The following COPG2 variants were observed in gnomAD, a reference collection of about 807,000 sequenced individuals.
COPG2 encodes coat protein complex I subunit gamma 2.
A neutral mutation model predicts 46.3 loss-of-function variants in COPG2; 37 were observed. The observed-to-expected ratio is 0.80, with a 90% confidence interval of 0.61 to 1.05. The LOEUF is 1.05. COPG2 is among the 50% of genes least tolerant of loss of function. The pLI is 0.00. For synonymous variants in COPG2, 159 were observed against 129.7 expected (o/e 1.23, Z -1.53); for missense variants, 427 against 387.8 (o/e 1.10, Z -0.85).
In COPG2 at chr7:130,668,635, A is replaced by G; in HGVS notation, c.34T>C (p.Ser12Pro). The change falls in exon 1 of 24, where the codon TCT (serine) becomes CCT (proline). Residue 12 changes from serine (S) to proline (P), a missense_variant. Physicochemically the swap from Ser to Pro is moderately conservative, Grantham distance 74 (BLOSUM62 -1). Transcript: ENST00000425248. ...IKKFDKKDEE[S>P]GSGSNPFQHL... ...GCCTCGGAAGCCCCGCGCGTACCAG[A>G]CTCCTCGTCCTTCTTGTCGAATTTT... 6.5e-7 allele frequency: 1 copy of G among 1,536,396 alleles called. No individual in the cohort carries two copies. Among genetic ancestry groups the G allele is most frequent in the Non-Finnish European group, 8.7e-7 (1 of 1,143,982 alleles).
intron 20 of COPG2, among the ~76,000 whole-genome samples, chr7:130,516,345 G>T (rs1056100289): frequency 2.8e-4 from 42 of 152,226 alleles, no homozygotes; most frequent in African/African-American, 1.0e-3. Context: ...AGACAGTGGG[G>T]ATATGAGGGG....
chr7:130,668,299 G>A (rs1554461782), intron 1 of COPG2, among the ~76,000 whole-genome samples: 1 of 151,902 alleles, frequency 6.6e-6, no homozygotes. Context: ...CCCTGGACGC[G>A]GAGACGCGCG....
intron 5 of COPG2, among the ~76,000 whole-genome samples, chr7:130,630,915 T>C (rs1221910664): frequency 3.3e-5 from 5 of 152,204 alleles, no homozygotes; most frequent in Non-Finnish European, 7.3e-5. Context: ...CAGTGGCTAA[T>C]GCCTGTAGTT....
chr7:130,615,737 C>T (rs1554452755), intron 6 of COPG2, among the ~76,000 whole-genome samples: 3 of 152,174 alleles, frequency 2.0e-5, no homozygotes, highest in Non-Finnish European at 4.4e-5. Context: ...ATCTGTATTT[C>T]ACAATACTGT....
intron 7 of COPG2, 130 bp downstream of exon 7, chr7:130,613,414 T>C (rs1481011708): frequency 1.5e-6 from 1 of 659,658 alleles, no homozygotes; most frequent in Non-Finnish European, 2.6e-6. Context: ...TAAAACACAC[T>C]TGGATAAAGT....
intron 9 of COPG2, among the ~76,000 whole-genome samples, chr7:130,597,395 T>C (rs1233894539): frequency 1.3e-5 from 2 of 152,232 alleles, no homozygotes; most frequent in African/African-American, 4.8e-5. Flanking sequence ...GGAGGGGTTC[T>C]GGGCTCTCTC....
intron 5 of COPG2, among the ~76,000 whole-genome samples, chr7:130,619,953 C>T (rs1432381492): frequency 3.3e-5 from 5 of 152,140 alleles, no homozygotes; most frequent in Non-Finnish European, 7.4e-5. Flanking sequence ...CTTTTTCTGC[C>T]AGAAGTCTTA....
At chr7:130,635,917 T>G (rs1245693825) in intron 5 of COPG2, among the ~76,000 whole-genome samples, 4 of 152,228 alleles carry the variant, frequency 2.6e-5, no homozygotes, top group Non-Finnish European at 5.9e-5. Context: ...TTGATCTGAT[T>G]GGTTTCAAAG....
chr7:130,568,131 T>A (rs1793833843), intron 9 of COPG2, among the ~76,000 whole-genome samples: 1 of 151,956 alleles, frequency 6.6e-6, no homozygotes, highest in African/African-American at 2.4e-5. Flanking sequence ...AAAAATTAGC[T>A]GGGCATGGTG....
rs569459910 is a variant in COPG2, at chr7:130,508,508, G to T, written c.2247+54C>A. On this transcript the variant is annotated intron_variant, in intron 21 of 23. Coordinates refer to ENST00000425248, the MANE Select transcript of COPG2 (RefSeq NM_012133.6). ...AGAAAAATGTTCTCTCAAGGCAGAAGTCACTTAGTGTTGTGAAGGTGTCAA... is the reference window on the plus strand; with the variant it reads ...AGAAAAATGTTCTCTCAAGGCAGAATTCACTTAGTGTTGTGAAGGTGTCAA... 1.4e-4 allele frequency: 100 copies of T among 719,862 alleles called. No homozygotes were observed. In the East Asian group the frequency reaches 2.5e-3, roughly 18 times the overall value. 44.6% of individuals were successfully genotyped at this position (719,862 alleles called of 1,614,324 possible).
intron 21 of COPG2, chr7:130,508,214 ACAAAAAAC>A (rs1483560773): frequency 8.0e-6 from 2 of 248,844 alleles, no homozygotes; most frequent in Non-Finnish European, 1.5e-5. Context: ...TGAAGCAAAA[ACAAAAAAC>A]CAAAAAACAA....
At chr7:130,644,188 A>G (rs1366671956) in intron 5 of COPG2, among the ~76,000 whole-genome samples, 12 of 152,160 alleles carry the variant, frequency 7.9e-5, no homozygotes, top group Non-Finnish European at 1.6e-4. Flanking sequence ...ACGTCAATCT[A>G]ATAATCATTT....
At chr7:130,616,228 T>G (rs782091416) in intron 6 of COPG2, among the ~76,000 whole-genome samples, 15 of 152,238 alleles carry the variant, frequency 9.9e-5, no homozygotes, top group Non-Finnish European at 2.1e-4. Flanking sequence ...AAATACTCTA[T>G]GAACTGCATC....
chr7:130,572,689 C>A (rs1459010222), intron 9 of COPG2, among the ~76,000 whole-genome samples: 1 of 151,804 alleles, frequency 6.6e-6, no homozygotes, highest in Non-Finnish European at 1.5e-5. Flanking sequence ...CACAACAAAT[C>A]AAAATGTATA....
In COPG2 at chr7:130,506,705, C is replaced by T. The variant is rs782332096; in HGVS notation, c.2587G>A (p.Val863Ile). The T allele has an allele frequency of 3.8e-6, 3 of 780,284 alleles. No individual in the cohort carries two copies. Among genetic ancestry groups the T allele is most frequent in the East Asian group, 2.4e-5 (1 of 41,250 alleles). 48.3% of individuals were successfully genotyped at this position (780,284 alleles called of 1,614,324 possible). The change falls in exon 24 of 24, where the codon GTA (valine) becomes ATA (isoleucine). Residue 863 changes from valine (V) to isoleucine (I), a missense_variant. Coordinates refer to ENST00000425248, the MANE Select transcript of COPG2 (RefSeq NM_012133.6). ...VTVRSKERTP[V>I]DVILASVG ...CCAACAGAAGCTAAGATAACATCTA[C>T]AGGTGTTCTCTCTTTACTTCTGACA...
chr7:130,596,401 G>A (rs1333289932), intron 9 of COPG2, among the ~76,000 whole-genome samples: 3 of 152,202 alleles, frequency 2.0e-5, no homozygotes, highest in African/African-American at 7.2e-5. Flanking sequence ...GCCCTTCAAG[G>A]TGGCTATTAT....
chr7:130,618,763 G>T (rs1270174887), intron 5 of COPG2, among the ~76,000 whole-genome samples: 1 of 151,920 alleles, frequency 6.6e-6, no homozygotes, highest in Non-Finnish European at 1.5e-5. Context: ...CATTTTTTGT[G>T]ATTTTTGGCT....
At chr7:130,657,939 T>C (rs150253497) in intron 4 of COPG2, among the ~76,000 whole-genome samples, 138 of 152,282 alleles carry the variant, frequency 9.1e-4, no homozygotes, top group Non-Finnish European at 1.6e-3. Context: ...TCTCATACAG[T>C]GATGGCGGGA....
intron 20 of COPG2, among the ~76,000 whole-genome samples, chr7:130,541,398 C>A (rs961015946): frequency 7.0e-6 from 1 of 143,680 alleles, no homozygotes; most frequent in Non-Finnish European, 1.5e-5. Flanking sequence ...CTTGAAGACA[C>A]GGGCCTTAAG....
Sources: allele counts gnomAD v4.1 joint callset (sites outside exome capture counted in the v4.1 genomes callset), GRCh38; gene constraint gnomAD v4.1.1; transcripts MANE v1.5; gene names NCBI Gene and HGNC (gene_info 2026-07-23, HGNC 2026-07-21).